KCTD16: variants seen among roughly 807,000 people sequenced by gnomAD.
The protein encoded by KCTD16 is potassium channel tetramerization domain containing 16.
KCTD16 carries 13 observed loss-of-function variants against 33.2 expected under a neutral mutation model. That is an observed-to-expected ratio of 0.39 (90% CI 0.25 to 0.62). The LOEUF (loss-of-function observed/expected upper bound fraction) is 0.62. KCTD16 is among the 20% of genes least tolerant of loss of function. The pLI is 0.50. For missense variants in KCTD16, 441 were observed against 525.1 expected (o/e 0.84, Z 1.57); for synonymous variants, 197 against 195.3 (o/e 1.01, Z -0.07).
intron 3 of KCTD16, among the ~76,000 whole-genome samples, chr5:144,424,573 G>A (rs1456389191): frequency 6.6e-6 from 1 of 152,142 alleles, no homozygotes; most frequent in Non-Finnish European, 1.5e-5. Flanking sequence ...TGTTACACTA[G>A]AATATAACAG....
At chr5:144,265,809 A>G (rs1318837482) in intron 3 of KCTD16, among the ~76,000 whole-genome samples, 1 of 152,186 alleles carries the variant, frequency 6.6e-6, no homozygotes, top group Non-Finnish European at 1.5e-5. Flanking sequence ...TACTATTTGT[A>G]TTGTCTCATT....
At chr5:144,361,603 G>T (rs1040270424) in intron 3 of KCTD16, among the ~76,000 whole-genome samples, 2 of 152,136 alleles carry the variant, frequency 1.3e-5, no homozygotes, top group Non-Finnish European at 2.9e-5. Flanking sequence ...CCCCTTCGTT[G>T]CTTACTACCA....
chr5:144,211,694 A>G lies in KCTD16; in HGVS notation c.832+4148A>G, dbSNP rs192624440. On this transcript the variant is annotated intron_variant, in intron 3 of 3. Coordinates refer to ENST00000512467, the MANE Select transcript of KCTD16 (RefSeq NM_020768.4). ...AGTTCAGGCATTTTGAGTAAGGGAT[A>G]TTCAACCTGTAATAATTTCAATTTT... Among the ~76,000 whole-genome samples, 354 of 152,292 alleles carry G rather than the reference A, an allele frequency of 2.3e-3. 3 individuals carry two copies. The highest frequency in any genetic ancestry group is 6.8e-3 in the Middle Eastern group (2 of 294).
intron 3 of KCTD16, among the ~76,000 whole-genome samples, chr5:144,344,512 A>C (rs1752732642): frequency 6.6e-6 from 1 of 151,990 alleles, no homozygotes; most frequent in Admixed American, 6.6e-5. Flanking sequence ...TTACAAGAAA[A>C]AAACAAACAA....
intron 3 of KCTD16, among the ~76,000 whole-genome samples, chr5:144,422,543 C>T (rs1241476782): frequency 6.6e-6 from 1 of 152,092 alleles, no homozygotes; most frequent in Non-Finnish European, 1.5e-5. Flanking sequence ...TAGTACAGCC[C>T]TATGTGTTTA....
intron 2 of KCTD16, chr5:144,205,443 C>G: frequency 2.5e-6 from 1 of 398,640 alleles, no homozygotes. Flanking sequence ...GCCAGAGAAG[C>G]CGGAGCCCCG....
At chr5:144,244,619 A>G (rs1421074204) in intron 3 of KCTD16, among the ~76,000 whole-genome samples, 1 of 152,204 alleles carries the variant, frequency 6.6e-6, no homozygotes, top group Non-Finnish European at 1.5e-5. Context: ...TTAACAAAAT[A>G]ACCTCTTTAA....
Position 144,205,911 on chromosome 5 carries a change from T to C in KCTD16, c.-326-478T>C, listed in dbSNP as rs571902506. On this transcript the variant is annotated intron_variant, in intron 2 of 3. Coordinates refer to ENST00000512467, the MANE Select transcript of KCTD16 (RefSeq NM_020768.4). Reference sequence around the variant, plus strand: ...GAGCACACCTCTCTGGCACTTTTCATTGATACCTCGGTCGTTTACCTGTTT... The same window carrying C: ...GAGCACACCTCTCTGGCACTTTTCACTGATACCTCGGTCGTTTACCTGTTT... 5.5e-4 allele frequency: 109 copies of C among 198,528 alleles called. 1 individual carries two copies. Among genetic ancestry groups the C allele is most frequent in the African/African-American group, 2.4e-3 (102 of 43,358 alleles). 12.3% of individuals were successfully genotyped at this position (198,528 alleles called of 1,614,324 possible).
chr5:144,476,350 T>C lies in KCTD16; in HGVS notation c.*2236T>C, dbSNP rs187736810. 1 of 152,274 alleles carries C rather than the reference T, an allele frequency of 6.6e-6. No individual in the cohort carries two copies. The highest frequency in any genetic ancestry group is 1.9e-4 in the East Asian group (1 of 5,164). 9.4% of individuals were successfully genotyped at this position (152,274 alleles called of 1,614,324 possible). A position where few individuals can be genotyped will look rare whatever the true frequency, so the allele number is the denominator to read the frequency against. On this transcript the variant is annotated 3_prime_UTR_variant, in exon 4 of 4. Transcript: ENST00000512467. ...ATGGCCTCAAGATAGAGAGATACCC[T>C]TATAAGAGTAAAGAATTAAGATGAT...
chr5:144,210,104 C>T (rs1400116764), intron 3 of KCTD16, among the ~76,000 whole-genome samples: 1 of 151,792 alleles, frequency 6.6e-6, no homozygotes, highest in African/African-American at 2.4e-5. Context: ...CCCTGTTTGC[C>T]TATTTTTTCT....
At chr5:144,208,277 A>G (rs751865127) in intron 3 of KCTD16, among the ~76,000 whole-genome samples, 1 of 152,220 alleles carries the variant, frequency 6.6e-6, no homozygotes, top group Non-Finnish European at 1.5e-5. Context: ...AGAATTACTG[A>G]CATAAAAGGA....
chr5:144,381,542 A>G (rs1752215397), intron 3 of KCTD16, among the ~76,000 whole-genome samples: 1 of 152,190 alleles, frequency 6.6e-6, no homozygotes, highest in South Asian at 2.1e-4. Context: ...TCATGATGGA[A>G]GGCAAAGGGG....
chr5:144,238,157 G>A (rs1754304614), intron 3 of KCTD16, among the ~76,000 whole-genome samples: 1 of 152,154 alleles, frequency 6.6e-6, no homozygotes, highest in African/African-American at 2.4e-5. Flanking sequence ...GATGGCTATG[G>A]CTCGAGAGAA....
chr5:144,337,781 C>T (rs1465032004), intron 3 of KCTD16, among the ~76,000 whole-genome samples: 1 of 152,032 alleles, frequency 6.6e-6, no homozygotes, highest in African/African-American at 2.4e-5. Context: ...AGAGAGTAGC[C>T]CTGATCTATC....
intron 3 of KCTD16, among the ~76,000 whole-genome samples, chr5:144,208,816 G>A (rs770205022): frequency 5.9e-5 from 9 of 152,312 alleles, no homozygotes; most frequent in East Asian, 3.9e-4. Flanking sequence ...GGAAAAAAAC[G>A]AAATCAGTAA....
intron 3 of KCTD16, among the ~76,000 whole-genome samples, chr5:144,404,120 T>C (rs909954848): frequency 2.6e-5 from 4 of 152,182 alleles, no homozygotes; most frequent in Non-Finnish European, 5.9e-5. Flanking sequence ...GAATGTCTCA[T>C]GCTCTACTCA....
At chr5:144,342,291 G>A (rs149292896) in intron 3 of KCTD16, among the ~76,000 whole-genome samples, 26 of 152,180 alleles carry the variant, frequency 1.7e-4, no homozygotes, top group East Asian at 5.8e-4. Flanking sequence ...GGTCCTTCAC[G>A]TCCCTTGTAA....
At chr5:144,366,911 C>T (rs551449926) in intron 3 of KCTD16, among the ~76,000 whole-genome samples, 101 of 152,236 alleles carry the variant, frequency 6.6e-4, no homozygotes, top group African/African-American at 2.4e-3. Context: ...TCCTTTTAGC[C>T]CTGGCCATAT....
rs151008234 is a variant in KCTD16 at position 144,213,516 on chromosome 5, T to C, written c.832+5970T>C. ...TTGCATTCTGGGTTTTGCTCATCCA[T>C]CTCTATGATCTCCGTGATATTATGA... On this transcript the variant is annotated intron_variant, in intron 3 of 3. Transcript: ENST00000512467. Among the ~76,000 whole-genome samples, 32 of 152,224 alleles carry C rather than the reference T, an allele frequency of 2.1e-4. No homozygotes were observed. The East Asian group carries it at 4.8e-3, about 23-fold the overall frequency.
Sources: gnomAD v4.1 joint callset for allele counts (sites outside exome capture counted in the v4.1 genomes callset) on GRCh38, gnomAD v4.1.1 for gene constraint, MANE v1.5 for transcripts, NCBI Gene and HGNC (gene_info 2026-07-23, HGNC 2026-07-21) for gene names.